The following CDH26 variants were observed in gnomAD, a reference collection of about 807,000 sequenced individuals.
CDH26 encodes cadherin 26.
In CDH26, 83 loss-of-function variants were observed where a neutral mutation model predicts 90.3. That is an observed-to-expected ratio of 0.92 (90% CI 0.77 to 1.10). The LOEUF (loss-of-function observed/expected upper bound fraction) is 1.10, where lower values mean the gene tolerates loss of function less well. Ranked by LOEUF, CDH26 falls within the 50% of genes least tolerant of loss-of-function variation. The pLI, the probability that CDH26 is intolerant of heterozygous loss-of-function variation, is 0.00. For synonymous variants in CDH26, 397 were observed against 396.3 expected, an observed-to-expected ratio of 1.00 and a Z score of -0.02; for missense variants, 1,013 against 1,037.6, an observed-to-expected ratio of 0.98 and a Z score of 0.33.
intron 8 of CDH26, among the ~76,000 whole-genome samples, 191 bp downstream of exon 8, chr20:59,987,829 C>G (rs1003386190): frequency 6.6e-6 from 1 of 152,108 alleles, no homozygotes; most frequent in Non-Finnish European, 1.5e-5. Context: ...GAGGACTCCT[C>G]CTACCAAAAT....
chr20:59,995,685 G>A, intron 11 of CDH26, 148 bp from the exon 12 acceptor site: 1 of 655,458 alleles, frequency 1.5e-6, no homozygotes, highest in Admixed American at 2.6e-5. Flanking sequence ...TCAGAAGTGA[G>A]GGTACCCTTG....
intron 4 of CDH26, among the ~76,000 whole-genome samples, chr20:59,973,858 C>A (rs2061294641): frequency 6.6e-6 from 1 of 152,188 alleles, no homozygotes; most frequent in South Asian, 2.1e-4. Context: ...TGAACATACC[C>A]ATGCATATGT....
chr20:59,994,151 T>C (rs568626818), intron 10 of CDH26, 99 bp from the exon 11 acceptor site: 1 of 1,468,880 alleles, frequency 6.8e-7, no homozygotes, highest in African/African-American at 1.4e-5. Flanking sequence ...AGTTCCAGTA[T>C]TTCAGGAATA....
intron 14 of CDH26, among the ~76,000 whole-genome samples, chr20:60,000,138 G>A (rs976008718): frequency 2.0e-5 from 3 of 152,214 alleles, no homozygotes; most frequent in South Asian, 2.1e-4. Context: ...CTGGGTGGAC[G>A]ATGGCACTGC....
chr20:59,991,862 C>A (rs955085920), intron 9 of CDH26, among the ~76,000 whole-genome samples: 3 of 152,132 alleles, frequency 2.0e-5, no homozygotes, highest in Admixed American at 2.0e-4. Flanking sequence ...GAGGGCTTGG[C>A]GTGGCCCACC....
chr20:59,962,285 G>A (rs576428382), intron 1 of CDH26, among the ~76,000 whole-genome samples: 4 of 152,310 alleles, frequency 2.6e-5, no homozygotes, highest in South Asian at 4.1e-4. Context: ...AAACTGGTAC[G>A]TCGGCTTAAA....
At chr20:59,982,268 A>G (rs2061403745) in intron 4 of CDH26, among the ~76,000 whole-genome samples, 2 of 152,104 alleles carry the variant, frequency 1.3e-5, no homozygotes, top group African/African-American at 4.8e-5. Context: ...GTTGTTTTCC[A>G]TTTTATTGAT....
At chr20:59,961,531 C>G (rs914064210) in intron 1 of CDH26, among the ~76,000 whole-genome samples, 3 of 152,170 alleles carry the variant, frequency 2.0e-5, no homozygotes, top group African/African-American at 7.2e-5. Context: ...TCCTTTACAT[C>G]CCCGCCCCCT....
chr20:60,018,702 C>CTTTTTTTTTTTTTTTTTTTTTTTTTTT (rs55994712), downstream of CDH26, among the ~76,000 whole-genome samples: 8 of 17,814 alleles, frequency 4.5e-4, 2 homozygotes, highest in African/African-American at 6.8e-4. Context: ...CTCTTACTGC[C>CTTTTTTTTTTTTTTTTTTTTTTTTTTT]TTTTTTTTTT....
At chr20:60,021,086 T>G (rs2061948559) in intron 7 of CDH26, among the ~76,000 whole-genome samples, 1 of 152,218 alleles carries the variant, frequency 6.6e-6, no homozygotes, top group Non-Finnish European at 1.5e-5. Flanking sequence ...AACACTCCAG[T>G]TAAAGCTTAG....
chr20:59,970,491 T>G (rs531308854), intron 3 of CDH26, among the ~76,000 whole-genome samples: 1 of 151,868 alleles, frequency 6.6e-6, no homozygotes, highest in South Asian at 2.1e-4. Flanking sequence ...AGAGGCTTTT[T>G]TTTTTTTTAA....
rs757644430 is a variant in CDH26, at chr20:59,995,885, G to A, written c.1719G>A (p.Leu573=). The change falls in exon 12 of 18, where the codon TTG becomes TTA. Residue 573 remains leucine, a synonymous_variant. Coordinates refer to ENST00000348616, the MANE Select transcript of CDH26 (RefSeq NM_177980.4). ...GAAGCCTGCCACGTGGTAATTACTTGGTGCCACTCTTCATTGGAGACAAAC... is the reference window on the plus strand; with the variant it reads ...GAAGCCTGCCACGTGGTAATTACTTAGTGCCACTCTTCATTGGAGACAAAC... ...TLRSLPRGNY[L]VPLFIGDKQG... is the part of the protein sequence containing the mutation. 1 of 1,614,234 alleles carries A rather than the reference G, an allele frequency of 6.2e-7. No individual in the cohort carries two copies. The highest frequency in any genetic ancestry group is 8.5e-7 in the Non-Finnish European group (1 of 1,180,042).
At chr20:59,999,129 AG>A (rs2061641737) in intron 13 of CDH26, among the ~76,000 whole-genome samples, 1 of 152,192 alleles carries the variant, frequency 6.6e-6, no homozygotes, top group Non-Finnish European at 1.5e-5. Flanking sequence ...CATGTGGGGA[AG>A]CTAATGAGCC....
intron 16 of CDH26, among the ~76,000 whole-genome samples, chr20:60,005,464 G>A (rs114938371): frequency 2.8e-3 from 422 of 150,586 alleles, no homozygotes; most frequent in African/African-American, 1.0e-2. Context: ...CTGTATATGT[G>A]CATGTGTATA....
Position 60,001,490 on chromosome 20 carries a change from G to A in CDH26, c.2166+79G>A. The A allele has an allele frequency of 3.2e-6, 5 of 1,555,592 alleles. No individual in the cohort carries two copies. In the South Asian group the frequency reaches 4.7e-5, roughly 15 times the overall value. On this transcript the variant is annotated intron_variant, in intron 15 of 17. Coordinates refer to ENST00000348616, the MANE Select transcript of CDH26 (RefSeq NM_177980.4). ...TTGGTCCCCCTGAGAGAGGGCCGTT[G>A]TAGAAGATTCGGTGATACTGTCAGA...
At chr20:60,033,788 T>TGTG in exon 9 of CDH26, 1 of 1,167,376 alleles carries the variant, frequency 8.6e-7, no homozygotes, top group Non-Finnish European at 1.1e-6. Flanking sequence ...TGTGTGTGTG[T>TGTG]GTGTGTGTGT....
chr20:60,029,255 C>CACAACGTGGCACCTATAGTCA (rs1180279130), intron 7 of CDH26, among the ~76,000 whole-genome samples: 4 of 152,032 alleles, frequency 2.6e-5, no homozygotes, highest in African/African-American at 4.8e-5. Context: ...AGGTCTGCTG[C>CACAACGTGGCACCTATAGTCA]ACAACGTGGC....
chr20:59,995,640 G>T (rs1270617720), intron 11 of CDH26, among the ~76,000 whole-genome samples, 193 bp from the exon 12 acceptor site: 5 of 152,334 alleles, frequency 3.3e-5, no homozygotes, highest in Middle Eastern at 3.4e-3. Context: ...TGAACCTGAG[G>T]GTGGTCTTAG....
At chr20:59,990,241 T>A (rs2061512169) in intron 9 of CDH26, among the ~76,000 whole-genome samples, 1 of 152,258 alleles carries the variant, frequency 6.6e-6, no homozygotes, top group Non-Finnish European at 1.5e-5. Flanking sequence ...CACATTTTTG[T>A]TTACCCACTC....
Sources: allele counts gnomAD v4.1 joint callset (sites outside exome capture counted in the v4.1 genomes callset), GRCh38; gene constraint gnomAD v4.1.1; transcripts MANE v1.5; gene names NCBI Gene and HGNC (gene_info 2026-07-23, HGNC 2026-07-21).